The following WWOX variants were observed in gnomAD, a reference collection of about 807,000 sequenced individuals.
WWOX encodes the protein WW domain-containing oxidoreductase.
A neutral mutation model predicts 46.2 loss-of-function variants in WWOX; 69 were observed. The observed-to-expected ratio is 1.49, with a 90% confidence interval of 1.23 to 1.82. The LOEUF (loss-of-function observed/expected upper bound fraction) is 1.82. Ranked by LOEUF, WWOX falls within the 40% of genes most tolerant of loss-of-function variation. WWOX has a pLI of 0.00. For synonymous variants in WWOX, 359 were observed against 202.6 expected (o/e 1.77, Z -6.56); for missense variants, 919 against 542.6 (o/e 1.69, Z -6.89).
chr16:78,315,245 G>A (rs756743927), intron 5 of WWOX, among the ~76,000 whole-genome samples: 5 of 152,184 alleles, frequency 3.3e-5, no homozygotes, highest in Admixed American at 6.5e-5. Context: ...AAATCACTAG[G>A]TGAGGAGTAA....
chr16:78,945,694 C>T (rs966830154), intron 8 of WWOX, among the ~76,000 whole-genome samples: 3 of 151,800 alleles, frequency 2.0e-5, no homozygotes, highest in South Asian at 2.1e-4. Flanking sequence ...CTTGTATGCC[C>T]CCCTTTCTCC....
intron 8 of WWOX, among the ~76,000 whole-genome samples, chr16:78,544,718 T>A (rs2043983644): frequency 6.6e-6 from 1 of 150,648 alleles, no homozygotes; most frequent in Non-Finnish European, 1.5e-5. Context: ...CTACAAAAAA[T>A]TTAAAAATTA....
At chr16:78,590,577 T>A (rs1288653214) in intron 8 of WWOX, among the ~76,000 whole-genome samples, 1 of 152,184 alleles carries the variant, frequency 6.6e-6, no homozygotes, top group Non-Finnish European at 1.5e-5. Context: ...TAACACTAGG[T>A]GTTGAGGAGA....
intron 5 of WWOX, among the ~76,000 whole-genome samples, chr16:78,323,130 C>A (rs776486416): frequency 1.3e-5 from 2 of 151,954 alleles, no homozygotes; most frequent in African/African-American, 4.8e-5. Flanking sequence ...TTGTTTGAGA[C>A]GGAGTCTTGC....
chr16:79,076,238 A>G (rs955085873), intron 8 of WWOX, among the ~76,000 whole-genome samples: 2 of 152,224 alleles, frequency 1.3e-5, no homozygotes, highest in African/African-American at 2.4e-5. Context: ...GTGACCACAC[A>G]CAGTGTCGTG....
intron 5 of WWOX, among the ~76,000 whole-genome samples, chr16:78,372,020 C>G (rs901993377): frequency 1.3e-5 from 2 of 152,088 alleles, no homozygotes; most frequent in Non-Finnish European, 1.5e-5. Flanking sequence ...AGAAGTGTAC[C>G]TCCCTTAGAT....
chr16:78,778,044 G>GAAAAAAA (rs11309867), intron 8 of WWOX, among the ~76,000 whole-genome samples: 1 of 99,758 alleles, frequency 1.0e-5, no homozygotes, highest in Non-Finnish European at 2.0e-5. Flanking sequence ...GACTCCATCT[G>GAAAAAAA]AAAAAAAAAA....
Position 78,422,742 on chromosome 16 carries a change from TATATACACATATATACAC to T in WWOX, c.606-2122_606-2105del, listed in dbSNP as rs1567563431. Among the ~76,000 whole-genome samples the T allele has an allele frequency of 1.0e-3, 111 of 106,768 alleles. 15 individuals are homozygous for T. The highest frequency in any genetic ancestry group is 6.7e-3 in the African/African-American group (106 of 15,740). The allele number at this position is 106,768 out of a possible 152,430, so 70.0% of individuals were successfully genotyped here. On this transcript the variant is annotated intron_variant, in intron 6 of 8. Transcript: ENST00000566780. ...ACACATATATATATACACACACATA[TATATACACATATATACAC>T]ATATATATACACACATATATATATA...
intron 8 of WWOX, among the ~76,000 whole-genome samples, chr16:79,019,487 T>C (rs936230453): frequency 1.2e-4 from 18 of 152,006 alleles, no homozygotes; most frequent in African/African-American, 4.1e-4. Flanking sequence ...AAATATGATA[T>C]TATAATCTTT....
chr16:78,981,308 A>T (rs2046676673), intron 8 of WWOX, among the ~76,000 whole-genome samples: 1 of 152,130 alleles, frequency 6.6e-6, no homozygotes, highest in Admixed American at 6.5e-5. Context: ...TTACGGGAAT[A>T]ACCAAAAATG....
rs1358093213 is a variant in WWOX at position 78,321,392 on chromosome 16, ACGTATATATACG to A, written c.517-65467_517-65456del. On this transcript the variant is annotated intron_variant, in intron 5 of 8. Transcript: ENST00000566780. ...TATACGTATATATGCGTATATATAT[ACGTATATATACG>A]TATATATATATGTGTGTATATATAT... Among the ~76,000 whole-genome samples, 8 of 96,962 alleles carry A rather than the reference ACGTATATATACG, an allele frequency of 8.3e-5. 1 individual carries two copies. Among genetic ancestry groups the A allele is most frequent in the African/African-American group, 1.7e-4 (3 of 18,012 alleles). 63.6% of individuals were successfully genotyped at this position (96,962 alleles called of 152,430 possible).
intron 6 of WWOX, among the ~76,000 whole-genome samples, chr16:78,409,773 C>G (rs367625589): frequency 7.9e-5 from 12 of 152,104 alleles, no homozygotes; most frequent in Admixed American, 7.9e-4. Context: ...TTGCCTTTTC[C>G]AGCTTCTAAA....
intron 8 of WWOX, among the ~76,000 whole-genome samples, chr16:78,470,289 CAG>C (rs1208572197): frequency 2.0e-5 from 3 of 152,170 alleles, no homozygotes; most frequent in African/African-American, 4.8e-5. Flanking sequence ...GGCTAGGAAA[CAG>C]AGCATAACCT....
intron 5 of WWOX, among the ~76,000 whole-genome samples, chr16:78,317,851 A>G (rs930134011): frequency 2.0e-5 from 3 of 152,138 alleles, no homozygotes; most frequent in African/African-American, 7.2e-5. Context: ...TGAGACTACT[A>G]TCATTCATTT....
intron 8 of WWOX, among the ~76,000 whole-genome samples, chr16:78,638,757 G>C (rs1042246625): frequency 6.6e-6 from 1 of 152,130 alleles, no homozygotes; most frequent in African/African-American, 2.4e-5. Context: ...CTCTCTCTCT[G>C]GGTTGGGAGG....
chr16:78,133,942 C>T (rs948585618), intron 4 of WWOX, among the ~76,000 whole-genome samples: 3 of 152,140 alleles, frequency 2.0e-5, no homozygotes, highest in African/African-American at 7.2e-5. Context: ...ACTGTAGATG[C>T]CTTCCATCTT....
chr16:79,155,013 A>G (rs1317940489), intron 8 of WWOX, among the ~76,000 whole-genome samples: 1 of 152,266 alleles, frequency 6.6e-6, no homozygotes, highest in Non-Finnish European at 1.5e-5. Flanking sequence ...AGATAGCTTC[A>G]TCTGTGCCTT....
chr16:78,601,753 A>G (rs1298961470), intron 8 of WWOX, among the ~76,000 whole-genome samples: 1 of 152,190 alleles, frequency 6.6e-6, no homozygotes, highest in Non-Finnish European at 1.5e-5. Flanking sequence ...AGTTAGGGAG[A>G]CAGTAATGGT....
At chr16:78,598,850 A>C (rs2045554512) in intron 8 of WWOX, among the ~76,000 whole-genome samples, 1 of 152,124 alleles carries the variant, frequency 6.6e-6, no homozygotes, top group Non-Finnish European at 1.5e-5. Flanking sequence ...ACAAATAGAT[A>C]GCTTTTAGTG....
Sources: allele counts gnomAD v4.1 joint callset (sites outside exome capture counted in the v4.1 genomes callset), GRCh38; gene constraint gnomAD v4.1.1; transcripts MANE v1.5; gene names NCBI Gene and HGNC (gene_info 2026-07-23, HGNC 2026-07-21).